Variants in GUCY2C observed in about 807,000 individuals in gnomAD.
GUCY2C encodes the protein guanylate cyclase 2C, also known as guanylyl cyclase C.
In GUCY2C, 118 loss-of-function variants were observed where a neutral mutation model predicts 131.1. The observed-to-expected ratio is 0.90, with a 90% CI of 0.78 to 1.05. The LOEUF (loss-of-function observed/expected upper bound fraction) is 1.05, where lower values mean the gene tolerates loss of function less well. Ranked by LOEUF, GUCY2C falls within the 50% of genes least tolerant of loss-of-function variation. The pLI is 0.00. For missense variants in GUCY2C, 1,161 were observed against 1,304.4 expected, an observed-to-expected ratio of 0.89 and a Z score of 1.69; for synonymous variants, 452 against 457.8, an observed-to-expected ratio of 0.99 and a Z score of 0.16.
At chr12:14,686,005 G>T (rs926540269) in intron 3 of GUCY2C, among the ~76,000 whole-genome samples, 156 bp downstream of exon 3, 1 of 152,154 alleles carries the variant, frequency 6.6e-6, no homozygotes, top group African/African-American at 2.4e-5. Flanking sequence ...CTGAGCAAGG[G>T]AAGTTACCTG....
intron 8 of GUCY2C, chr12:14,674,253 T>C: frequency 3.3e-6 from 1 of 300,340 alleles, no homozygotes; most frequent in Non-Finnish European, 6.5e-6. Flanking sequence ...CCCAGATCCT[T>C]GAAGGATAGA....
rs1039763058 is a variant in GUCY2C, at chr12:14,669,789, A to T, written c.1215T>A (p.Tyr405Ter). The change falls in exon 10 of 27, where the codon TAT becomes TAA. Residue 405 changes from tyrosine (Y) to a stop codon, truncating the protein, a stop_gained. Transcript: ENST00000261170. LOFTEE classifies it high-confidence loss of function. ...LTYDTHVNKTYPVDMSPTFTW... is the reference protein window; with the variant it reads ...LTYDTHVNKT ...TGAATGTGGGGCTCATATCCACAGG[A>T]TAGGTCTTATTTACGTGGGTATCAT... 6.2e-7 allele frequency: 1 copy of T among 1,605,684 alleles called. No individual in the cohort carries two copies. The highest frequency in any genetic ancestry group is 8.5e-7 in the Non-Finnish European group (1 of 1,173,618).
chr12:14,687,001 C>A (rs576435859), intron 2 of GUCY2C, among the ~76,000 whole-genome samples: 17 of 152,250 alleles, frequency 1.1e-4, no homozygotes, highest in Admixed American at 8.5e-4. Flanking sequence ...TAAGGGGGTG[C>A]ATTGCACATC....
chr12:14,635,262 A>T (rs1028930767), intron 19 of GUCY2C, among the ~76,000 whole-genome samples: 1 of 152,204 alleles, frequency 6.6e-6, no homozygotes, highest in African/African-American at 2.4e-5. Flanking sequence ...TATATCAAAT[A>T]TCTTCTCAGG....
At chr12:14,616,554 T>C in intron 25 of GUCY2C, 79 bp downstream of exon 25, 1 of 819,742 alleles carries the variant, frequency 1.2e-6, no homozygotes, top group Non-Finnish European at 2.2e-6. Flanking sequence ...ATGCTCAACT[T>C]TCCTGGCCAA....
At position 14,696,500 on chromosome 12, in the gene GUCY2C, TTGGGCTCCTAGGG is replaced by T. The variant is rs776134465; in HGVS notation, c.-65_-53del. ...CCTTGTGCCCACTTGCTTTGCTCTG[TTGGGCTCCTAGGG>T]AGGCAGGGAATCCAGATGGACAGCC... On this transcript the variant is annotated 5_prime_UTR_variant, in exon 1 of 27. Transcript: ENST00000261170. 3.5e-6 allele frequency: 5 copies of T among 1,427,454 alleles called. No individual in the cohort carries two copies. The highest frequency in any genetic ancestry group is 3.9e-6 in the Non-Finnish European group (4 of 1,016,800). 88.4% of individuals were successfully genotyped at this position (1,427,454 alleles called of 1,614,324 possible). A position where few individuals can be genotyped will look rare whatever the true frequency, so the allele number is the denominator to read the frequency against.
chr12:14,645,270 C>A lies in GUCY2C; in HGVS notation c.1756G>T (p.Asp586Tyr), dbSNP rs773167536. 1 of 1,597,546 alleles carries A rather than the reference C, an allele frequency of 6.3e-7. No homozygotes were observed. Among genetic ancestry groups the A allele is most frequent in the South Asian group, 1.1e-5 (1 of 90,644 alleles). Residue 586 changes from aspartate (D) to tyrosine (Y), a missense_variant, in exon 16 of 27, where the codon GAT becomes TAT. Asp to Tyr is a radical substitution (Grantham distance 160). Transcript: ENST00000261170. ...TISYPDGTFM[D>Y]WEFKISVLYD... The stretch of plus-strand genomic sequence containing the variant: ...AAGACAGAGATCTTAAACTCCCAAT[C>A]CATGAATGTGCCATCAGGGTAGGAA...
intron 13 of GUCY2C, 60 bp downstream of exon 13, chr12:14,652,891 GA>G: frequency 9.4e-7 from 1 of 1,059,620 alleles, no homozygotes; most frequent in South Asian, 1.3e-5. Context: ...CCAGGGCAAT[GA>G]GGGGTCAAAA....
At chr12:14,627,406 G>A (rs1947043776) in intron 20 of GUCY2C, among the ~76,000 whole-genome samples, 1 of 152,186 alleles carries the variant, frequency 6.6e-6, no homozygotes, top group Non-Finnish European at 1.5e-5. Context: ...ACTTGAAACT[G>A]CCAGTACAGA....
At chr12:14,626,499 T>C (rs1179020895) in intron 20 of GUCY2C, among the ~76,000 whole-genome samples, 1 of 152,208 alleles carries the variant, frequency 6.6e-6, no homozygotes, top group East Asian at 1.9e-4. Context: ...AGAATGCATA[T>C]ACCAATCAGC....
intron 1 of GUCY2C, among the ~76,000 whole-genome samples, chr12:14,689,113 G>A (rs1302609447): frequency 6.6e-6 from 1 of 152,184 alleles, no homozygotes; most frequent in Non-Finnish European, 1.5e-5. Context: ...CAAATGCAGG[G>A]AGACTAGTGA....
At chr12:14,647,947 C>CTTATTTATTTATTTAT (rs148784736) in intron 15 of GUCY2C, among the ~76,000 whole-genome samples, 2 of 148,594 alleles carry the variant, frequency 1.3e-5, no homozygotes, top group African/African-American at 5.0e-5. Flanking sequence ...CATCTTTTTA[C>CTTATTTATTTATTTAT]TTATTTATTT....
intron 15 of GUCY2C, among the ~76,000 whole-genome samples, chr12:14,646,727 TTA>T (rs779438399): frequency 9.9e-5 from 15 of 152,170 alleles, no homozygotes; most frequent in Non-Finnish European, 1.8e-4. Flanking sequence ...ATATGCAGAT[TTA>T]TATGTTTTTT....
chr12:14,674,760 T>C lies in GUCY2C; in HGVS notation c.949A>G (p.Thr317Ala), dbSNP rs1565630576. The C allele has an allele frequency of 6.3e-7, 1 of 1,599,042 alleles. No individual in the cohort carries two copies. The highest frequency in any genetic ancestry group is 1.7e-5 in the Admixed American group (1 of 57,268). Residue 317 changes from threonine (T) to alanine (A), a missense_variant and splice_region_variant, in exon 8 of 27, where the codon ACA becomes GCA. By Grantham distance (58) the Thr-to-Ala change is moderately conservative. Transcript: ENST00000261170. ...TAGGCAAGAGCAAAGTCTCGTTTTG[T>C]CTAAATAAAAAAGGAAAATATTAAA... ...NSSFSRNLSP[T>A]KRDFALAYLN... is the part of the protein sequence containing the mutation.
intron 1 of GUCY2C, among the ~76,000 whole-genome samples, chr12:14,688,292 G>A (rs571487575): frequency 6.6e-6 from 1 of 151,942 alleles, no homozygotes; most frequent in Admixed American, 6.6e-5. Flanking sequence ...TTTTATTGAG[G>A]TATAATTTAT....
At chr12:14,687,142 T>A (rs1258895868) in intron 2 of GUCY2C, among the ~76,000 whole-genome samples, 3 of 152,160 alleles carry the variant, frequency 2.0e-5, no homozygotes, top group Non-Finnish European at 4.4e-5. Context: ...GACATTGAAG[T>A]TACTACTTTA....
intron 8 of GUCY2C, 93 bp from the exon 9 acceptor site, chr12:14,673,051 T>C (rs757607029): frequency 1.4e-5 from 10 of 728,730 alleles, no homozygotes; most frequent in Non-Finnish European, 2.3e-5. Flanking sequence ...TGGGTTCAAA[T>C]AGCTCTGTTT....
chr12:14,651,129 G>A (rs1947649267), intron 15 of GUCY2C, among the ~76,000 whole-genome samples: 1 of 152,038 alleles, frequency 6.6e-6, no homozygotes, highest in Admixed American at 6.6e-5. Flanking sequence ...AGTATTCATG[G>A]AAAATAAAAT....
Position 14,621,234 on chromosome 12 carries a change from C to T in GUCY2C, c.2602-18G>A, listed in dbSNP as rs376371023. 7 of 1,600,410 alleles carry T rather than the reference C, an allele frequency of 4.4e-6. No individual in the cohort carries two copies. The African/African-American group carries it at 9.4e-5, about 21-fold the overall frequency. ...GTTTCCACCTGTGGAAACAGTTTCT[C>T]ATGAGTGCCTCTGCCCCTTTGAAAA... On this transcript the variant is annotated intron_variant, in intron 22 of 26. Transcript: ENST00000261170.
Sources: gnomAD v4.1 joint callset for allele counts (sites outside exome capture counted in the v4.1 genomes callset) on GRCh38, gnomAD v4.1.1 for gene constraint, MANE v1.5 for transcripts, NCBI Gene and HGNC (gene_info 2026-07-23, HGNC 2026-07-21) for gene names.